SNAPC3: variants seen among roughly 807,000 people sequenced by gnomAD.
SNAPC3 encodes small nuclear RNA activating complex polypeptide 3, also known as snRNA-activating protein complex subunit 3.
SNAPC3 carries 56 observed loss-of-function variants against 47.7 expected under a neutral mutation model. The observed-to-expected ratio is 1.18, with a 90% CI of 0.95 to 1.47. The LOEUF is 1.47. SNAPC3 is among the 40% of genes most tolerant of loss of function. The probability of loss-of-function intolerance (pLI) is 0.00; values close to 1 mark genes in which losing one functional copy is unlikely to be tolerated. For missense variants in SNAPC3, 665 were observed against 511.3 expected (o/e 1.30, Z -2.90); for synonymous variants, 235 against 189.9 (o/e 1.24, Z -1.95).
intron 2 of SNAPC3, among the ~76,000 whole-genome samples, chr9:15,430,601 C>A (rs2032013147): frequency 6.6e-6 from 1 of 152,188 alleles, no homozygotes; most frequent in South Asian, 2.1e-4. Flanking sequence ...AAAGGTACCC[C>A]TCCAACAATA....
intron 3 of SNAPC3, among the ~76,000 whole-genome samples, chr9:15,440,003 A>G (rs1197544122): frequency 6.6e-6 from 1 of 152,164 alleles, no homozygotes; most frequent in Non-Finnish European, 1.5e-5. Flanking sequence ...TTGGGGCATA[A>G]TCCCATCATT....
At chr9:15,451,952 T>C (rs2034419000) in intron 6 of SNAPC3, among the ~76,000 whole-genome samples, 1 of 130,186 alleles carries the variant, frequency 7.7e-6, no homozygotes, top group African/African-American at 2.7e-5. Context: ...CAAGTATATA[T>C]ATTATTGTTG....
intron 5 of SNAPC3, among the ~76,000 whole-genome samples, chr9:15,448,172 C>G (rs2034091402): frequency 6.6e-6 from 1 of 152,146 alleles, no homozygotes; most frequent in Admixed American, 6.5e-5. Context: ...CCAACACAAT[C>G]TCCTTTTTTC....
chr9:15,452,133 T>G (rs1296016905), intron 6 of SNAPC3, among the ~76,000 whole-genome samples: 1 of 151,972 alleles, frequency 6.6e-6, no homozygotes. Flanking sequence ...CAGCTAATTT[T>G]TGTATTTTTA....
intron 1 of SNAPC3, 66 bp from the exon 2 acceptor site, chr9:15,423,843 A>G: frequency 1.1e-6 from 1 of 935,424 alleles, no homozygotes; most frequent in Non-Finnish European, 1.6e-6. Context: ...TAGGAAAACA[A>G]CCCTAACTCG....
intron 3 of SNAPC3, among the ~76,000 whole-genome samples, chr9:15,441,383 CTTTTTTTTTT>C (rs77103785): frequency 1.7e-5 from 1 of 59,572 alleles, no homozygotes. Flanking sequence ...GTTCCCTTTT[CTTTTTTTTTT>C]TTTTTTTTTT....
At chr9:15,435,750 C>A (rs1020438546) in intron 3 of SNAPC3, among the ~76,000 whole-genome samples, 2 of 147,566 alleles carry the variant, frequency 1.4e-5, no homozygotes, top group South Asian at 2.2e-4. Flanking sequence ...AAAAAGAGTT[C>A]TTTGTATATT....
chr9:15,451,455 T>A, intron 6 of SNAPC3, 53 bp downstream of exon 6: 1 of 788,956 alleles, frequency 1.3e-6, no homozygotes, highest in Non-Finnish European at 2.1e-6. Context: ...GTTATCAAAG[T>A]AGTGTTATCT....
At position 15,451,420 on chromosome 9, in the gene SNAPC3, C is replaced by G; in HGVS notation, c.815+18C>G. The G allele has an allele frequency of 1.6e-6, 2 of 1,229,828 alleles. No individual in the cohort carries two copies. Among genetic ancestry groups the G allele is most frequent in the East Asian group, 2.4e-5 (1 of 42,272 alleles). The allele number at this position is 1,229,828 out of a possible 1,614,324, so 76.2% of individuals were successfully genotyped here. A position where few individuals can be genotyped will look rare whatever the true frequency, so the allele number is the denominator to read the frequency against. On this transcript the variant is annotated intron_variant, in intron 6 of 8. Coordinates refer to ENST00000380821, the MANE Select transcript of SNAPC3 (RefSeq NM_001039697.2). ...TTGAGCAGGTATAGTTTCCAAAAAT[C>G]TTCTCAAAGTCTTTCCTATTTCTAG...
intron 3 of SNAPC3, among the ~76,000 whole-genome samples, chr9:15,440,912 G>A (rs2033280145): frequency 7.0e-6 from 1 of 143,142 alleles, no homozygotes; most frequent in Admixed American, 7.3e-5. Context: ...TAGCGCCACT[G>A]CACTCCAGCT....
downstream of SNAPC3, chr9:15,465,570 C>T: frequency 1.9e-6 from 3 of 1,584,436 alleles, 1 homozygote; most frequent in South Asian, 2.2e-5. Flanking sequence ...TCTCTCTCTT[C>T]ACTGGATGGC....
chr9:15,462,028 T>C (rs757122597), downstream of SNAPC3: 1 of 152,212 alleles, frequency 6.6e-6, no homozygotes, highest in Non-Finnish European at 1.5e-5. Context: ...TCCTTTATTT[T>C]CAATACTGCG....
chr9:15,454,322 G>GACT (rs2034614867), intron 7 of SNAPC3, among the ~76,000 whole-genome samples: 5 of 151,924 alleles, frequency 3.3e-5, no homozygotes, highest in African/African-American at 9.7e-5. Flanking sequence ...CCAAAATTTT[G>GACT]TATCCCATGC....
At chr9:15,455,740 C>G (rs1290651651) in intron 7 of SNAPC3, among the ~76,000 whole-genome samples, 1 of 151,318 alleles carries the variant, frequency 6.6e-6, no homozygotes, top group African/African-American at 2.4e-5. Flanking sequence ...GCTCTGTTGC[C>G]TAGGCTGGAA....
Position 15,432,105 on chromosome 9 carries a change from C to G in SNAPC3, c.393-1447C>G, listed in dbSNP as rs74881449. The G allele has an allele frequency of 3.7e-3, 560 of 152,128 alleles. 1 individual carries two copies. The highest frequency in any genetic ancestry group is 0.013 in the African/African-American group (547 of 41,502). The allele number at this position is 152,128 out of a possible 1,614,324, so 9.4% of individuals were successfully genotyped here. A position where few individuals can be genotyped will look rare whatever the true frequency, so the allele number is the denominator to read the frequency against. ...ATTCTGTAACTATTTTATGTATTTA[C>G]TAGAATTGAACAAATCATAGGTTGC... On this transcript the variant is annotated intron_variant, in intron 2 of 8. Transcript: ENST00000380821.
At chr9:15,429,533 G>A (rs2031872986) in intron 2 of SNAPC3, among the ~76,000 whole-genome samples, 2 of 151,102 alleles carry the variant, frequency 1.3e-5, no homozygotes, top group South Asian at 4.1e-4. Context: ...AAAGACTACT[G>A]CAGAGGAAAA....
chr9:15,462,416 C>CCTAA (rs1488552813), downstream of SNAPC3: 3 of 152,166 alleles, frequency 2.0e-5, no homozygotes, highest in Non-Finnish European at 4.4e-5. Context: ...AAAAGAAATT[C>CCTAA]CTAACTTTGT....
chr9:15,425,153 T>G (rs1321161857), intron 2 of SNAPC3, among the ~76,000 whole-genome samples: 1 of 152,218 alleles, frequency 6.6e-6, no homozygotes, highest in East Asian at 1.9e-4. Flanking sequence ...CCACTTTCTC[T>G]TTCAGATGGC....
chr9:15,443,146 C>T (rs2033639300), intron 3 of SNAPC3, among the ~76,000 whole-genome samples: 1 of 152,096 alleles, frequency 6.6e-6, no homozygotes, highest in Admixed American at 6.5e-5. Context: ...GGCTCGGCAT[C>T]AGAGGGAGAC....
Sources: gnomAD v4.1 joint callset for allele counts (sites outside exome capture counted in the v4.1 genomes callset) on GRCh38, gnomAD v4.1.1 for gene constraint, MANE v1.5 for transcripts, NCBI Gene and HGNC (gene_info 2026-07-23, HGNC 2026-07-21) for gene names.